Variants in VPS53 observed in about 807,000 individuals in gnomAD.
VPS53 encodes the protein VPS53 subunit of GARP complex.
In VPS53, 70 loss-of-function variants were observed where a neutral mutation model predicts 107.0. That is an observed-to-expected ratio of 0.65 (90% CI 0.54 to 0.80). The LOEUF (loss-of-function observed/expected upper bound fraction) is 0.80. VPS53 is among the 30% of genes least tolerant of loss of function. VPS53 has a pLI of 0.00. For synonymous variants in VPS53, 409 were observed against 393.3 expected (o/e 1.04, Z -0.47); for missense variants, 917 against 1,049.4 (o/e 0.87, Z 1.74).
intron 1 of VPS53, among the ~76,000 whole-genome samples, chr17:712,750 T>C (rs1240896063): frequency 6.6e-6 from 1 of 152,180 alleles, no homozygotes; most frequent in Non-Finnish European, 1.5e-5. Flanking sequence ...GCTATGTAAT[T>C]CATCCATGTA....
chr17:592,164 G>C (rs1482746185), intron 12 of VPS53, among the ~76,000 whole-genome samples: 4 of 152,206 alleles, frequency 2.6e-5, no homozygotes, highest in Admixed American at 1.3e-4. Flanking sequence ...TGTCTCTTTT[G>C]ATCTTTGTTG....
At chr17:622,482 C>T (rs997135336) in intron 11 of VPS53, among the ~76,000 whole-genome samples, 3 of 152,114 alleles carry the variant, frequency 2.0e-5, no homozygotes, top group Admixed American at 2.0e-4. Flanking sequence ...CTTCTTTCCC[C>T]TTCCATTCCT....
chr17:522,162 G>A (rs1298814779), intron 19 of VPS53, among the ~76,000 whole-genome samples: 1 of 152,126 alleles, frequency 6.6e-6, no homozygotes, highest in African/African-American at 2.4e-5. Flanking sequence ...GACTGAGGTG[G>A]GTGGATCGCT....
intron 15 of VPS53, among the ~76,000 whole-genome samples, chr17:556,780 G>A (rs965619060): frequency 3.4e-5 from 5 of 146,534 alleles, no homozygotes; most frequent in African/African-American, 1.3e-4. Flanking sequence ...AAAACTAATG[G>A]GGGCGCCAGA....
intron 2 of VPS53, among the ~76,000 whole-genome samples, chr17:700,225 A>C (rs990044368): frequency 6.6e-6 from 1 of 152,212 alleles, no homozygotes; most frequent in East Asian, 1.9e-4. Context: ...TACGTATTGC[A>C]ATATGAAAAG....
Position 638,882 on chromosome 17 carries a change from A to AC in VPS53, c.609-7255dup, listed in dbSNP as rs767950254. ...CTTCATTTCAACTTTGGTGAGTCTGACAGTTATGTGTCTTGGAATTGCTCT... is the reference window on the plus strand; with the variant it reads ...CTTCATTTCAACTTTGGTGAGTCTGACCAGTTATGTGTCTTGGAATTGCTCT... On this transcript the variant is annotated intron_variant, in intron 7 of 21. Coordinates refer to ENST00000437048, the MANE Select transcript of VPS53 (RefSeq NM_001128159.3). Among the ~76,000 whole-genome samples the AC allele has an allele frequency of 4.6e-5, 7 of 152,174 alleles. No individual in the cohort carries two copies. In the South Asian group the frequency reaches 1.0e-3, roughly 23 times the overall value.
At chr17:549,086 G>A (rs755941706) in intron 17 of VPS53, among the ~76,000 whole-genome samples, 3 of 152,120 alleles carry the variant, frequency 2.0e-5, no homozygotes, top group African/African-American at 2.4e-5. Flanking sequence ...AAACACCTTA[G>A]CCAAGGGTTT....
At chr17:647,663 G>C (rs1401120345) in intron 7 of VPS53, among the ~76,000 whole-genome samples, 1 of 152,126 alleles carries the variant, frequency 6.6e-6, no homozygotes, top group Non-Finnish European at 1.5e-5. Context: ...GCTGGCTCTA[G>C]GTGTGAGGGG....
intron 17 of VPS53, chr17:537,394 A>T (rs1567606447): frequency 1.5e-5 from 8 of 533,394 alleles, no homozygotes; most frequent in Non-Finnish European, 2.3e-5. Context: ...GGTGTGACCC[A>T]GACCCTTTCC....
intron 19 of VPS53, among the ~76,000 whole-genome samples, chr17:526,925 C>T (rs1019835724): frequency 2.6e-5 from 4 of 152,232 alleles, no homozygotes; most frequent in African/African-American, 9.6e-5. Flanking sequence ...AACAAAACCA[C>T]ATAGGTGAAC....
At chr17:643,645 G>T (rs182189541) in intron 7 of VPS53, among the ~76,000 whole-genome samples, 2 of 150,254 alleles carry the variant, frequency 1.3e-5, no homozygotes, top group South Asian at 4.3e-4. Flanking sequence ...ACTCATACTT[G>T]GAAAGCGAGG....
intron 19 of VPS53, among the ~76,000 whole-genome samples, chr17:525,321 G>A (rs1382069256): frequency 6.6e-6 from 1 of 152,186 alleles, no homozygotes; most frequent in Non-Finnish European, 1.5e-5. Context: ...GGGGCATGGA[G>A]GAAGAGATGG....
chr17:560,616 T>C (rs1013159903), intron 14 of VPS53, 43 bp from the exon 15 acceptor site: 1 of 1,593,402 alleles, frequency 6.3e-7, no homozygotes, highest in Non-Finnish European at 8.6e-7. Flanking sequence ...GAATTTCTAA[T>C]TTGCTTCCTG....
intron 7 of VPS53, among the ~76,000 whole-genome samples, chr17:645,491 C>G (rs940226387): frequency 1.3e-5 from 2 of 152,118 alleles, no homozygotes; most frequent in African/African-American, 4.8e-5. Flanking sequence ...TTTTCATGCA[C>G]AAGTTTTAAA....
Position 627,236 on chromosome 17 carries a change from G to T in VPS53, c.912C>A (p.Arg304=), listed in dbSNP as rs780052904. The change falls in exon 10 of 22, where the codon CGC becomes CGA. Residue 304 remains arginine (R), a synonymous_variant. Coordinates refer to ENST00000437048, the MANE Select transcript of VPS53 (RefSeq NM_001128159.3). ...QLVDYEEKYG[R]MFPREWCMAE... ...CCATGCACCACTCACGTGGAAACAT[G>T]CGGCCGTATTTCTCCTCATAGTCCA... is the stretch of plus-strand genomic sequence containing the variant. 1.4e-5 allele frequency: 23 copies of T among 1,613,928 alleles called. No homozygotes were observed. The highest frequency in any genetic ancestry group is 1.3e-4 in the Admixed American group (8 of 59,994).
intron 4 of VPS53, among the ~76,000 whole-genome samples, chr17:672,011 C>T (rs965980607): frequency 1.3e-5 from 2 of 151,534 alleles, no homozygotes; most frequent in Non-Finnish European, 2.9e-5. Flanking sequence ...TTGTCTTTCG[C>T]GGGTGGTAGG....
intron 4 of VPS53, among the ~76,000 whole-genome samples, chr17:672,307 G>T (rs926673190): frequency 6.6e-6 from 1 of 151,896 alleles, no homozygotes; most frequent in Non-Finnish European, 1.5e-5. Context: ...CTTCAAACGA[G>T]ACACAACAGG....
intron 6 of VPS53, among the ~76,000 whole-genome samples, 197 bp downstream of exon 6, chr17:655,641 T>G (rs987182148): frequency 6.6e-6 from 1 of 152,186 alleles, no homozygotes. Flanking sequence ...CCCTTTTGAC[T>G]AGCTGCCAGT....
chr17:583,063 C>T (rs1017401650), intron 13 of VPS53, among the ~76,000 whole-genome samples: 11 of 148,778 alleles, frequency 7.4e-5, no homozygotes, highest in African/African-American at 1.0e-4. Context: ...GAACCTAATG[C>T]GTTCCCACAG....
Sources: allele counts gnomAD v4.1 joint callset (sites outside exome capture counted in the v4.1 genomes callset), GRCh38; gene constraint gnomAD v4.1.1; transcripts MANE v1.5; gene names NCBI Gene and HGNC (gene_info 2026-07-23, HGNC 2026-07-21).